The following CDH7 variants were observed in gnomAD, a reference collection of about 807,000 sequenced individuals.
CDH7 encodes cadherin-7.
CDH7 carries 25 observed loss-of-function variants against 71.8 expected under a neutral mutation model. The observed-to-expected ratio is 0.35, with a 90% CI of 0.25 to 0.49. CDH7 has a LOEUF of 0.49. Among genes scored for constraint, CDH7 ranks in the 20% least tolerant of loss-of-function variants. The probability of loss-of-function intolerance (pLI) is 0.99; values close to 1 mark genes in which losing one functional copy is unlikely to be tolerated. For synonymous variants in CDH7, 381 were observed against 363.8 expected (o/e 1.05, Z -0.54); for missense variants, 862 against 974.6 (o/e 0.88, Z 1.54).
intron 2 of CDH7, among the ~76,000 whole-genome samples, chr18:65,799,832 A>G (rs1276707560): frequency 6.6e-6 from 1 of 152,100 alleles, no homozygotes; most frequent in African/African-American, 2.4e-5. Flanking sequence ...TATGGCAAAA[A>G]GGAAATTGTT....
chr18:65,798,141 G>A (rs1910982871), intron 2 of CDH7, among the ~76,000 whole-genome samples: 1 of 152,086 alleles, frequency 6.6e-6, no homozygotes, highest in African/African-American at 2.4e-5. Context: ...CTCAAATAAA[G>A]AACACCAGAA....
rs1914326514 is a variant in CDH7, at chr18:65,884,775, G to A, written c.*3881G>A. 3 of 152,138 alleles carry A rather than the reference G, an allele frequency of 2.0e-5. No homozygotes were observed. The highest frequency in any genetic ancestry group is 1.3e-4 in the Admixed American group (2 of 15,262). The allele number at this position is 152,138 out of a possible 1,614,324, so 9.4% of individuals were successfully genotyped here. On this transcript the variant is annotated 3_prime_UTR_variant, in exon 12 of 12. Coordinates refer to ENST00000397968, the MANE Select transcript of CDH7 (RefSeq NM_004361.5). Reference sequence around the variant, plus strand: ...AACATGTTAAAGTTTTAAAGCACTAGCTGTAAATATTAATCTTCAGATTTT... The same window carrying A: ...AACATGTTAAAGTTTTAAAGCACTAACTGTAAATATTAATCTTCAGATTTT...
In CDH7 at chr18:65,789,958, G is replaced by A. The variant is rs145173276; in HGVS notation, c.211-19746G>A. Among the ~76,000 whole-genome samples, 948 of 151,970 alleles carry A rather than the reference G, an allele frequency of 6.2e-3. 4 individuals carry two copies. Among genetic ancestry groups the A allele is most frequent in the Non-Finnish European group, 9.9e-3 (671 of 67,948 alleles). On this transcript the variant is annotated intron_variant, in intron 2 of 11. Transcript: ENST00000397968. Reference sequence around the variant, plus strand: ...AAGTTGCCTGAGGGAGGCTGGGCGCGGTGGCTCACACCTGTAATCCCAGCA... The same window carrying A: ...AAGTTGCCTGAGGGAGGCTGGGCGCAGTGGCTCACACCTGTAATCCCAGCA...
chr18:65,806,295 A>C (rs1393209642), intron 2 of CDH7, among the ~76,000 whole-genome samples: 1 of 151,928 alleles, frequency 6.6e-6, no homozygotes, highest in East Asian at 1.9e-4. Flanking sequence ...CATTTGAAAA[A>C]AAAAAAATCT....
chr18:65,835,675 G>A (rs1165374250), intron 6 of CDH7, among the ~76,000 whole-genome samples: 1 of 152,180 alleles, frequency 6.6e-6, no homozygotes, highest in Non-Finnish European at 1.5e-5. Context: ...AAGGGAATTG[G>A]CCTGAGCTGT....
At position 65,884,135 on chromosome 18, in the gene CDH7, T is replaced by C. The variant is rs577884791; in HGVS notation, c.*3241T>C. ...ACACCCAAGCCCTTAATCTGAATTG[T>C]CACCATTGCATTATTAAAAATCAAC... On this transcript the variant is annotated 3_prime_UTR_variant, in exon 12 of 12. Coordinates refer to ENST00000397968, the MANE Select transcript of CDH7 (RefSeq NM_004361.5). 1 of 152,128 alleles carries C rather than the reference T, an allele frequency of 6.6e-6. No homozygotes were observed. Among genetic ancestry groups the C allele is most frequent in the Non-Finnish European group, 1.5e-5 (1 of 67,986 alleles). The allele number at this position is 152,128 out of a possible 1,614,324, so 9.4% of individuals were successfully genotyped here.
At chr18:65,836,398 T>TA (rs771683824) in intron 6 of CDH7, among the ~76,000 whole-genome samples, 8 of 152,186 alleles carry the variant, frequency 5.3e-5, no homozygotes, top group Non-Finnish European at 8.8e-5. Context: ...TTTAAAATAA[T>TA]ACGTGATGGC....
intron 7 of CDH7, among the ~76,000 whole-genome samples, chr18:65,847,005 A>G (rs947962490): frequency 2.3e-5 from 3 of 130,592 alleles, no homozygotes; most frequent in Non-Finnish European, 5.0e-5. Flanking sequence ...CATATTGACA[A>G]TCTATATTGC....
chr18:65,759,405 C>T (rs970828782), intron 1 of CDH7, among the ~76,000 whole-genome samples: 7 of 151,342 alleles, frequency 4.6e-5, no homozygotes, highest in African/African-American at 9.7e-5. Flanking sequence ...GCACCATGCC[C>T]GGCTAATTTT....
chr18:65,867,140 A>G (rs1424821541), intron 11 of CDH7, among the ~76,000 whole-genome samples: 2 of 149,404 alleles, frequency 1.3e-5, no homozygotes, highest in Non-Finnish European at 3.0e-5. Flanking sequence ...GGTTCACGCC[A>G]TTCTCCTGCC....
In CDH7 at chr18:65,880,539, T is replaced by C; in HGVS notation, c.2003T>C (p.Met668Thr). The C allele has an allele frequency of 1.9e-6, 3 of 1,613,874 alleles. No individual in the cohort carries two copies. Among genetic ancestry groups the C allele is most frequent in the Non-Finnish European group, 2.5e-6 (3 of 1,179,950 alleles). ...GAGGAGGACACGGAAGCGTTTGACA[T>C]GGCTGCACTGAGAAACCTCAACGTC... is the stretch of plus-strand genomic sequence containing the variant. Reference protein sequence around the residue: ...GGEEDTEAFDMAALRNLNVIR... With the variant: ...GGEEDTEAFDTAALRNLNVIR... Residue 668 changes from methionine to threonine, a missense_variant, in exon 12 of 12, where the codon ATG becomes ACG. By Grantham distance (81) the Met-to-Thr change is moderately conservative. Transcript: ENST00000397968.
intron 2 of CDH7, among the ~76,000 whole-genome samples, chr18:65,782,261 G>C (rs1415514453): frequency 6.6e-6 from 1 of 151,164 alleles, no homozygotes; most frequent in African/African-American, 2.4e-5. Context: ...CCACCTCCCA[G>C]GTTCAAGCAA....
chr18:65,815,320 C>T (rs1007510442), intron 4 of CDH7, among the ~76,000 whole-genome samples: 13 of 152,028 alleles, frequency 8.6e-5, no homozygotes, highest in Admixed American at 6.6e-4. Flanking sequence ...CGAATATTAG[C>T]GGGTGTGTGT....
rs1459656839 is a variant in CDH7, at chr18:65,887,958, A to G, written c.*7064A>G. ...AACCACTTTTATAATATTTTTGCTT[A>G]TGTAAGAGTCACTTCTATAGTAAAA... On this transcript the variant is annotated 3_prime_UTR_variant, in exon 12 of 12. Transcript: ENST00000397968. 2.0e-5 allele frequency: 3 copies of G among 152,182 alleles called. No individual in the cohort carries two copies. Among genetic ancestry groups the G allele is most frequent in the African/African-American group, 7.2e-5 (3 of 41,454 alleles). The allele number at this position is 152,182 out of a possible 1,614,324, so 9.4% of individuals were successfully genotyped here. A position where few individuals can be genotyped will look rare whatever the true frequency, so the allele number is the denominator to read the frequency against.
chr18:65,817,325 T>C (rs1490602239), intron 4 of CDH7, among the ~76,000 whole-genome samples: 2 of 152,146 alleles, frequency 1.3e-5, no homozygotes, highest in Non-Finnish European at 2.9e-5. Context: ...CCGGTTCTCA[T>C]TCTATGCAAG....
In CDH7 at chr18:65,829,212, C is replaced by T. The variant is rs139819485; in HGVS notation, c.981+4381C>T. On this transcript the variant is annotated intron_variant, in intron 6 of 11. Coordinates refer to ENST00000397968, the MANE Select transcript of CDH7 (RefSeq NM_004361.5). Reference sequence around the variant, plus strand: ...TGGGCTCACTGCAAGCTCCGCCTCCCGGGTTCACGCCATTCTCCTGCCTCA... The same window carrying T: ...TGGGCTCACTGCAAGCTCCGCCTCCTGGGTTCACGCCATTCTCCTGCCTCA... Among the ~76,000 whole-genome samples, 1,021 of 152,020 alleles carry T rather than the reference C, an allele frequency of 6.7e-3. 10 individuals are homozygous for T. Among genetic ancestry groups the T allele is most frequent in the African/African-American group, 0.023 (936 of 41,476 alleles).
At chr18:65,853,930 T>TATATATCC (rs1555689514) in intron 7 of CDH7, among the ~76,000 whole-genome samples, 3 of 97,690 alleles carry the variant, frequency 3.1e-5, no homozygotes, top group African/African-American at 1.2e-4. Context: ...TATATATATA[T>TATATATCC]ATATATATAT....
intron 2 of CDH7, among the ~76,000 whole-genome samples, chr18:65,795,729 T>G (rs1428485502): frequency 6.6e-6 from 1 of 152,202 alleles, no homozygotes; most frequent in Non-Finnish European, 1.5e-5. Flanking sequence ...TAACATATTA[T>G]ATTGACACAC....
chr18:65,782,025 T>TCTCC lies in CDH7; in HGVS notation c.210+18976_210+18979dup, dbSNP rs1910282890. Among the ~76,000 whole-genome samples, 6 of 67,694 alleles carry TCTCC rather than the reference T, an allele frequency of 8.9e-5. 1 individual carries two copies. The South Asian group carries it at 2.4e-3, about 27-fold the overall frequency. The allele number at this position is 67,694 out of a possible 152,430, so 44.4% of individuals were successfully genotyped here. A position where few individuals can be genotyped will look rare whatever the true frequency, so the allele number is the denominator to read the frequency against. ...CTCTTTCTCTCTTTCTCTCTCTCTT[T>TCTCC]CTCCCTTCCTTCCTTCCTTCCTTCC... On this transcript the variant is annotated intron_variant, in intron 2 of 11. Coordinates refer to ENST00000397968, the MANE Select transcript of CDH7 (RefSeq NM_004361.5).
Sources: gnomAD v4.1 joint callset for allele counts (sites outside exome capture counted in the v4.1 genomes callset) on GRCh38, gnomAD v4.1.1 for gene constraint, MANE v1.5 for transcripts, NCBI Gene and HGNC (gene_info 2026-07-23, HGNC 2026-07-21) for gene names.